KIF1A: variants seen among roughly 807,000 people sequenced by gnomAD.
KIF1A encodes the protein kinesin family member 1A.
A neutral mutation model predicts 227.3 loss-of-function variants in KIF1A; 46 were observed. That is an observed-to-expected ratio of 0.20 (90% CI 0.16 to 0.26). The LOEUF is 0.26. KIF1A is among the 10% of genes least tolerant of loss of function. The pLI is 1.00. For synonymous variants in KIF1A, 1,022 were observed against 1,012.8 expected (o/e 1.01, Z -0.17); for missense variants, 1,683 against 2,485.9 (o/e 0.68, Z 6.87).
intron 38 of KIF1A, among the ~76,000 whole-genome samples, chr2:240,731,390 C>T (rs371235893): frequency 9.2e-5 from 14 of 152,326 alleles, no homozygotes; most frequent in African/African-American, 2.4e-4. Context: ...ACATCGGATG[C>T]GGCTCTGGCC....
chr2:240,755,262 C>T (rs1218526689), intron 27 of KIF1A, among the ~76,000 whole-genome samples: 2 of 152,354 alleles, frequency 1.3e-5, no homozygotes, highest in African/African-American at 2.4e-5. Context: ...ATAGGCCTTC[C>T]GCAGAGGCCA....
At chr2:240,764,446 C>T (rs1251079809) in intron 20 of KIF1A, among the ~76,000 whole-genome samples, 2 of 152,194 alleles carry the variant, frequency 1.3e-5, no homozygotes, top group African/African-American at 2.4e-5. Context: ...GGCCACCCCA[C>T]GAATTCAGGA....
intron 34 of KIF1A, among the ~76,000 whole-genome samples, chr2:240,741,787 A>G (rs958031544): frequency 4.6e-5 from 7 of 152,076 alleles, no homozygotes; most frequent in Non-Finnish European, 1.0e-4. Flanking sequence ...GCCACAGCCT[A>G]CTACACCTGT....
At position 240,774,145 on chromosome 2, in the gene KIF1A, G is replaced by A. The variant is rs769982789; in HGVS notation, c.1037+38C>T. On this transcript the variant is annotated intron_variant, in intron 12 of 48. Coordinates refer to ENST00000498729, the MANE Select transcript of KIF1A (RefSeq NM_001244008.2). ...GAGAGGATCCATCCCCCAAGACCAGGGAGCGGGAAGCAGAGCTTGTCTCCC... is the reference window on the plus strand; with the variant it reads ...GAGAGGATCCATCCCCCAAGACCAGAGAGCGGGAAGCAGAGCTTGTCTCCC... 8 of 1,355,930 alleles carry A rather than the reference G, an allele frequency of 5.9e-6. No individual in the cohort carries two copies. The East Asian group carries it at 1.9e-4, about 32-fold the overall frequency. The allele number at this position is 1,355,930 out of a possible 1,614,324, so 84.0% of individuals were successfully genotyped here.
In KIF1A at chr2:240,741,483, C is replaced by T. The variant is rs570317284; in HGVS notation, c.3641-106G>A. On this transcript the variant is annotated intron_variant, in intron 34 of 48. Transcript: ENST00000498729. ...CGGGGCCAAAGGGACTCAGAGGCAG[C>T]AAGGGCACCTCCCCCTCCTCAAGGG... 822 of 798,492 alleles carry T rather than the reference C, an allele frequency of 1.0e-3. 12 individuals are homozygous for T. The South Asian group carries it at 0.017, about 16-fold the overall frequency. 49.5% of individuals were successfully genotyped at this position (798,492 alleles called of 1,614,324 possible).
intron 2 of KIF1A, among the ~76,000 whole-genome samples, chr2:240,794,594 G>A (rs768876695): frequency 1.3e-5 from 2 of 152,240 alleles, no homozygotes; most frequent in African/African-American, 2.4e-5. Context: ...CCCAGCTGGC[G>A]GGCATTTGGG....
chr2:240,756,984 C>G (rs138518817), intron 27 of KIF1A, among the ~76,000 whole-genome samples: 1 of 152,362 alleles, frequency 6.6e-6, no homozygotes, highest in Non-Finnish European at 1.5e-5. Context: ...GCCTGAGCCA[C>G]TCCGGGGTTC....
chr2:240,731,892 G>C (rs564900003), intron 38 of KIF1A, among the ~76,000 whole-genome samples: 1 of 11,038 alleles, frequency 9.1e-5, no homozygotes, highest in African/African-American at 8.1e-4. Context: ...GATGAGGGGA[G>C]GAGGGGAGGA....
At chr2:240,773,047 G>C in intron 13 of KIF1A, 67 bp downstream of exon 13, 1 of 1,485,146 alleles carries the variant, frequency 6.7e-7, no homozygotes, top group Non-Finnish European at 9.1e-7. Flanking sequence ...AGGATGTGAT[G>C]ACCTGCGAGG....
chr2:240,729,703 T>C (rs1297621702), intron 38 of KIF1A, among the ~76,000 whole-genome samples: 2 of 152,258 alleles, frequency 1.3e-5, no homozygotes, highest in African/African-American at 4.8e-5. Flanking sequence ...TCAGGTAGTA[T>C]GTGGCTTTGC....
intron 27 of KIF1A, 139 bp from the exon 28 acceptor site, chr2:240,750,686 C>T: frequency 3.0e-6 from 2 of 658,878 alleles, no homozygotes; most frequent in East Asian, 2.7e-5. Context: ...ACAGCCAAGG[C>T]CAGGACAGCA....
intron 1 of KIF1A, among the ~76,000 whole-genome samples, chr2:240,812,001 G>A (rs1024753165): frequency 6.6e-5 from 10 of 152,140 alleles, no homozygotes; most frequent in Non-Finnish European, 1.2e-4. Flanking sequence ...ATGACTCCAG[G>A]AAAGGGAGAC....
chr2:240,750,460 G>A lies in KIF1A; in HGVS notation c.2946C>T (p.Gly982=), dbSNP rs763345238. Residue 982 remains glycine (G), a synonymous_variant, in exon 28 of 49, where the codon GGC becomes GGT. Transcript: ENST00000498729. The part of the protein sequence containing the change: ...AIVSEKGEVK[G]FLRVAVQAIS... ...TGGCCTGGACGGCCACGCGGAGGAA[G>A]CCCTTCACCTCGCCCTTCTCGCTGA... is the stretch of plus-strand genomic sequence containing the variant. 2 of 1,613,850 alleles carry A rather than the reference G, an allele frequency of 1.2e-6. No homozygotes were observed. Among genetic ancestry groups the A allele is most frequent in the Admixed American group, 1.7e-5 (1 of 60,020 alleles).
At chr2:240,746,625 T>C (rs1184186227) in intron 29 of KIF1A, among the ~76,000 whole-genome samples, 1 of 152,082 alleles carries the variant, frequency 6.6e-6, no homozygotes, top group African/African-American at 2.4e-5. Context: ...AGGTTCCAGG[T>C]GACGGCACGG....
intron 20 of KIF1A, 63 bp from the exon 21 acceptor site, chr2:240,763,409 A>C: frequency 4.8e-6 from 7 of 1,469,002 alleles, no homozygotes. Flanking sequence ...GATGGTCTCA[A>C]GCGGGGAGGC....
intron 20 of KIF1A, among the ~76,000 whole-genome samples, chr2:240,764,364 T>C (rs2050886131): frequency 6.6e-6 from 1 of 152,042 alleles, no homozygotes; most frequent in Non-Finnish European, 1.5e-5. Flanking sequence ...GCAGGGAGAA[T>C]GGGCACAGCT....
chr2:240,772,523 CT>C, intron 14 of KIF1A, 46 bp downstream of exon 14: 1 of 1,522,008 alleles, frequency 6.6e-7, no homozygotes, highest in Non-Finnish European at 8.9e-7. Flanking sequence ...CTCATGCTGG[CT>C]GGGGCTGGAA....
chr2:240,774,230 G>T lies in KIF1A; in HGVS notation c.990C>A (p.Ala330=), dbSNP rs2052422269. 1 of 1,611,758 alleles carries T rather than the reference G, an allele frequency of 6.2e-7. No individual in the cohort carries two copies. Among genetic ancestry groups the T allele is most frequent in the African/African-American group, 1.3e-5 (1 of 74,868 alleles). The part of the protein sequence containing the change: ...GGNSRTAMVA[A]LSPADINYDE... ...CGTAGTTGATGTCTGCAGGACTCAA[G>T]GCTGCCACCATAGCTGTCCTTGAGT... The change falls in exon 12 of 49, where the codon GCC becomes GCA. Residue 330 remains alanine (A), a synonymous_variant. Transcript: ENST00000498729.
intron 41 of KIF1A, among the ~76,000 whole-genome samples, 166 bp from the exon 42 acceptor site, chr2:240,723,724 C>G (rs1410297335): frequency 1.3e-5 from 2 of 152,188 alleles, no homozygotes; most frequent in African/African-American, 4.8e-5. Flanking sequence ...TAGGCCTCTT[C>G]CATAGGAAGT....
Sources: allele counts gnomAD v4.1 joint callset (sites outside exome capture counted in the v4.1 genomes callset), GRCh38; gene constraint gnomAD v4.1.1; transcripts MANE v1.5; gene names NCBI Gene and HGNC (gene_info 2026-07-23, HGNC 2026-07-21).